Variants in PRUNE2 observed in about 807,000 individuals in gnomAD.
PRUNE2 encodes the protein prune homolog 2 with BCH domain, also known as protein prune homolog 2.
Under a neutral mutation model 252.0 loss-of-function variants are expected in PRUNE2, and 164 were observed. The ratio of observed to expected loss-of-function variants is 0.65; its 90% CI spans 0.57 to 0.74. The LOEUF is 0.74. PRUNE2 is among the 30% of genes least tolerant of loss of function. PRUNE2 has a pLI of 0.00. For synonymous variants in PRUNE2, 1,292 were observed against 1,350.2 expected (o/e 0.96, Z 0.94); for missense variants, 3,495 against 3,711.0 (o/e 0.94, Z 1.51).
chr9:76,691,461 C>G (rs1242183051), intron 9 of PRUNE2, among the ~76,000 whole-genome samples: 1 of 152,116 alleles, frequency 6.6e-6, no homozygotes, highest in Non-Finnish European at 1.5e-5. Context: ...ATACTGATAT[C>G]CTTTCAGTAG....
chr9:76,869,967 G>C (rs2061089703), intron 1 of PRUNE2, among the ~76,000 whole-genome samples: 1 of 152,166 alleles, frequency 6.6e-6, no homozygotes, highest in South Asian at 2.1e-4. Flanking sequence ...TAACTAAATA[G>C]ATTATGGAAG....
chr9:76,788,382 A>T (rs373008724), intron 6 of PRUNE2: 10 of 756,048 alleles, frequency 1.3e-5, no homozygotes, highest in South Asian at 1.3e-4. Flanking sequence ...TGGACATTAA[A>T]CTCACAAACC....
chr9:76,770,638 T>C (rs1037992948), intron 6 of PRUNE2, among the ~76,000 whole-genome samples: 3 of 152,174 alleles, frequency 2.0e-5, no homozygotes, highest in Non-Finnish European at 4.4e-5. Flanking sequence ...TGCAAAACTG[T>C]TGAAAGCATT....
intron 15 of PRUNE2, among the ~76,000 whole-genome samples, chr9:76,633,972 T>C (rs1163546280): frequency 6.6e-6 from 1 of 151,976 alleles, no homozygotes; most frequent in African/African-American, 2.4e-5. Context: ...TTTAGCTGAT[T>C]GTGGTGGCAT....
At chr9:76,663,610 T>A (rs759792640) in intron 9 of PRUNE2, among the ~76,000 whole-genome samples, 5 of 152,212 alleles carry the variant, frequency 3.3e-5, no homozygotes, top group Non-Finnish European at 5.9e-5. Flanking sequence ...TGGTTTTGCA[T>A]GTCAATTTTT....
intron 4 of PRUNE2, among the ~76,000 whole-genome samples, chr9:76,836,582 T>C (rs1232414266): frequency 6.6e-6 from 1 of 152,148 alleles, no homozygotes; most frequent in Non-Finnish European, 1.5e-5. Flanking sequence ...AAAGTAATGC[T>C]ACATAAGTAC....
intron 9 of PRUNE2, among the ~76,000 whole-genome samples, chr9:76,669,888 G>C (rs1321783353): frequency 6.6e-6 from 1 of 152,174 alleles, no homozygotes; most frequent in African/African-American, 2.4e-5. Flanking sequence ...GGGTAAATCT[G>C]AGTCACCTTT....
chr9:76,815,163 G>A (rs1335150457), intron 6 of PRUNE2, among the ~76,000 whole-genome samples: 1 of 152,166 alleles, frequency 6.6e-6, no homozygotes, highest in Non-Finnish European at 1.5e-5. Context: ...TACCTGCTCT[G>A]TGTGAATACA....
chr9:76,644,742 C>T lies in PRUNE2; in HGVS notation c.8725G>A (p.Gly2909Arg), dbSNP rs772474129. 1.0e-4 allele frequency: 164 copies of T among 1,613,430 alleles called. No homozygotes were observed. The highest frequency in any genetic ancestry group is 1.6e-4 in the Middle Eastern group (1 of 6,084). The stretch of plus-strand genomic sequence containing the variant: ...GATTCATGCTGAGCTCGACTACCTC[C>T]GTGAGAAATGACTCTCCTGTAGGGC... ...IEPYRRVISH[G>R]GYYGDGLNAI... is the part of the protein sequence containing the mutation. The change falls in exon 12 of 19, where the codon GGA (glycine) becomes AGA (arginine). Residue 2909 changes from glycine (G) to arginine (R), a missense_variant. Physicochemically the swap from Gly to Arg is moderately radical, Grantham distance 125. Transcript: ENST00000376718.
chr9:76,710,423 T>C lies in PRUNE2; in HGVS notation c.1851A>G (p.Val617=). 6.2e-7 allele frequency: 1 copy of C among 1,613,988 alleles called. No homozygotes were observed. The highest frequency in any genetic ancestry group is 8.5e-7 in the Non-Finnish European group (1 of 1,179,872). ...RIPPTPMNSL[V]ESSPSTEEPA... Reference sequence around the variant, plus strand: ...GTTCTTCAGTGGATGGCGAGCTTTCTACTAAACTATTCATGGGTGTTGGTG... The same window carrying C: ...GTTCTTCAGTGGATGGCGAGCTTTCCACTAAACTATTCATGGGTGTTGGTG... Residue 617 remains valine (V), a synonymous_variant, in exon 8 of 19, where the codon GTA becomes GTG. Coordinates refer to ENST00000376718, the MANE Select transcript of PRUNE2 (RefSeq NM_015225.3).
intron 9 of PRUNE2, among the ~76,000 whole-genome samples, chr9:76,695,135 A>G (rs1345918487): frequency 2.0e-5 from 3 of 152,186 alleles, no homozygotes; most frequent in Non-Finnish European, 2.9e-5. Context: ...TCCCAGGTTC[A>G]AGCAATTCTC....
At chr9:76,639,255 G>C (rs1164295978) in intron 12 of PRUNE2, among the ~76,000 whole-genome samples, 1 of 152,154 alleles carries the variant, frequency 6.6e-6, no homozygotes, top group African/African-American at 2.4e-5. Flanking sequence ...ACTTTGGGAG[G>C]CCGAGGTAGG....
intron 17 of PRUNE2, among the ~76,000 whole-genome samples, chr9:76,624,033 TA>T (rs1292743756): frequency 6.6e-6 from 1 of 152,228 alleles, no homozygotes; most frequent in African/African-American, 2.4e-5. Context: ...TTTTAATTCA[TA>T]GAAGGCCGTG....
chr9:76,881,257 A>C (rs1349938606), intron 1 of PRUNE2, among the ~76,000 whole-genome samples: 1 of 152,014 alleles, frequency 6.6e-6, no homozygotes, highest in Non-Finnish European at 1.5e-5. Flanking sequence ...TGAGCCACCG[A>C]GCCTGGCTTC....
chr9:76,800,594 C>T (rs2056481979), intron 6 of PRUNE2, among the ~76,000 whole-genome samples: 1 of 152,146 alleles, frequency 6.6e-6, no homozygotes, highest in Admixed American at 6.5e-5. Flanking sequence ...GGTGTTTTGA[C>T]AATGGATTGC....
intron 1 of PRUNE2, among the ~76,000 whole-genome samples, chr9:76,905,545 T>C (rs1205011005): frequency 6.6e-6 from 1 of 152,212 alleles, no homozygotes; most frequent in Admixed American, 6.5e-5. Context: ...AGGGTCTCTT[T>C]TTTTCCTTTT....
intron 7 of PRUNE2, 45 bp from the exon 8 acceptor site, chr9:76,711,403 G>T: frequency 7.4e-7 from 1 of 1,357,938 alleles, no homozygotes; most frequent in Non-Finnish European, 1.0e-6. Flanking sequence ...AAGCACTGTT[G>T]CACTTTGCAA....
At chr9:76,682,083 C>T (rs1461124787) in intron 9 of PRUNE2, among the ~76,000 whole-genome samples, 1 of 152,052 alleles carries the variant, frequency 6.6e-6, no homozygotes, top group African/African-American at 2.4e-5. Context: ...TAGCAGGAGA[C>T]AGTGAAGGCG....
In PRUNE2 at chr9:76,823,640, T is replaced by C; in HGVS notation, c.748A>G (p.Asn250Asp). 2 of 1,597,384 alleles carry C rather than the reference T, an allele frequency of 1.3e-6. No homozygotes were observed. The highest frequency in any genetic ancestry group is 1.7e-6 in the Non-Finnish European group (2 of 1,164,714). Residue 250 changes from asparagine (N) to aspartate (D), a missense_variant, in exon 6 of 19, where the codon AAC becomes GAC. By Grantham distance (23) the Asn-to-Asp change is conservative. Transcript: ENST00000376718. ...IKVAISTVSM[N>D]LENCLFHSNI... The stretch of plus-strand genomic sequence containing the variant: ...AGCATTCCCACCCTTACCTCAAGGT[T>C]CATGCTCACAGTACTAATGGCCACT...
Sources: gnomAD v4.1 joint callset for allele counts (sites outside exome capture counted in the v4.1 genomes callset) on GRCh38, gnomAD v4.1.1 for gene constraint, MANE v1.5 for transcripts, NCBI Gene and HGNC (gene_info 2026-07-23, HGNC 2026-07-21) for gene names.